The following SMARCA2 variants were observed in gnomAD, a reference collection of about 807,000 sequenced individuals.
SMARCA2 encodes SWI/SNF-related matrix-associated actin-dependent regulator of chromatin subfamily A member 2.
A neutral mutation model predicts 199.8 loss-of-function variants in SMARCA2; 61 were observed. The observed-to-expected ratio is 0.31, with a 90% CI of 0.25 to 0.38. The LOEUF (loss-of-function observed/expected upper bound fraction) is 0.38. Among genes scored for constraint, SMARCA2 ranks in the 10% least tolerant of loss-of-function variants. SMARCA2 has a pLI of 1.00. For synonymous variants in SMARCA2, 935 were observed against 732.0 expected (o/e 1.28, Z -4.48); for missense variants, 1,344 against 2,012.2 (o/e 0.67, Z 6.35).
In SMARCA2 at chr9:2,145,923, G is replaced by T. The variant is rs143212190; in HGVS notation, c.3982-15763G>T. Among the ~76,000 whole-genome samples, 493 of 152,346 alleles carry T rather than the reference G, an allele frequency of 3.2e-3. 2 individuals carry two copies. Among genetic ancestry groups the T allele is most frequent in the African/African-American group, 0.011 (467 of 41,568 alleles). On this transcript the variant is annotated intron_variant, in intron 27 of 33. Transcript: ENST00000349721. ...GTATGCAATGTGCATAGGCACAGGG[G>T]ATTGGGAAAGACATCCCAGGCGAGA... is the stretch of plus-strand genomic sequence containing the variant.
At chr9:2,079,073 G>A (rs1185158450) in intron 14 of SMARCA2, among the ~76,000 whole-genome samples, 1 of 151,892 alleles carries the variant, frequency 6.6e-6, no homozygotes, top group Non-Finnish European at 1.5e-5. Context: ...GTGAGTCGAG[G>A]GCCTTATTAT....
At chr9:2,180,769 C>A (rs1388953901) in intron 29 of SMARCA2, among the ~76,000 whole-genome samples, 1 of 152,134 alleles carries the variant, frequency 6.6e-6, no homozygotes, top group Non-Finnish European at 1.5e-5. Flanking sequence ...TGCTTTGTAG[C>A]CTGTGTTTGA....
rs1828034194 is a variant in SMARCA2, at chr9:2,193,487, A to C, written c.*748A>C. On this transcript the variant is annotated 3_prime_UTR_variant, in exon 34 of 34. Transcript: ENST00000349721. Reference sequence around the variant, plus strand: ...CAATGTGTATCGTCTCCTTCTCCCTAAAGTGTACTTAATCTTTGCTTTCTT... The same window carrying C: ...CAATGTGTATCGTCTCCTTCTCCCTCAAGTGTACTTAATCTTTGCTTTCTT... 1 of 152,608 alleles carries C rather than the reference A, an allele frequency of 6.6e-6. No individual in the cohort carries two copies. Among genetic ancestry groups the C allele is most frequent in the Non-Finnish European group, 1.5e-5 (1 of 68,036 alleles). The allele number at this position is 152,608 out of a possible 1,614,324, so 9.5% of individuals were successfully genotyped here. A position where few individuals can be genotyped will look rare whatever the true frequency, so the allele number is the denominator to read the frequency against.
intron 27 of SMARCA2, among the ~76,000 whole-genome samples, chr9:2,156,160 C>T (rs7021770): frequency 0.82 from 124,854 of 152,122 alleles, 51,431 homozygotes; most frequent in African/African-American, 0.89. Flanking sequence ...TGGGGATTTT[C>T]GAAAAGTTCT....
At chr9:2,176,220 C>G (rs893068581) in intron 29 of SMARCA2, among the ~76,000 whole-genome samples, 9 of 132,480 alleles carry the variant, frequency 6.8e-5, no homozygotes, top group African/African-American at 2.7e-4. Context: ...ACGTAACAAG[C>G]ATTTTTTTCT....
intron 1 of SMARCA2, among the ~76,000 whole-genome samples, chr9:2,018,940 T>A (rs1259372951): frequency 6.6e-6 from 1 of 152,238 alleles, no homozygotes; most frequent in Non-Finnish European, 1.5e-5. Flanking sequence ...CGTGGCAGAT[T>A]TGAATCCTAG....
intron 1 of SMARCA2, among the ~76,000 whole-genome samples, chr9:2,020,845 C>G (rs565636774): frequency 1.7e-4 from 26 of 152,152 alleles, no homozygotes; most frequent in South Asian, 6.2e-4. Flanking sequence ...ATATAAACAC[C>G]TCATTAATTT....
intron 5 of SMARCA2, among the ~76,000 whole-genome samples, chr9:2,051,251 T>G (rs1467540973): frequency 6.6e-6 from 1 of 152,236 alleles, no homozygotes; most frequent in Admixed American, 6.5e-5. Context: ...GGAGTCTACC[T>G]TTCCTCTTCT....
At position 2,186,211 on chromosome 9, in the gene SMARCA2, AAGAGTC is replaced by A. The variant is rs1827440906; in HGVS notation, c.4584_4589del (p.Ser1530_Glu1531del). 1 of 1,614,076 alleles carries A rather than the reference AAGAGTC, an allele frequency of 6.2e-7. No individual in the cohort carries two copies. The highest frequency in any genetic ancestry group is 2.2e-5 in the East Asian group (1 of 44,882). On this transcript the variant is annotated inframe_deletion, in exon 32 of 34. Coordinates refer to ENST00000349721, the MANE Select transcript of SMARCA2 (RefSeq NM_003070.5). ...GAAGAGGAGGAAGAGGAAGATGAAG[AAGAGTC>A]AGAGTCCGAGGGTAAGCCCAGACAT... is the stretch of plus-strand genomic sequence containing the variant.
At chr9:2,125,946 A>C (rs1823673760) in intron 27 of SMARCA2, among the ~76,000 whole-genome samples, 1 of 152,242 alleles carries the variant, frequency 6.6e-6, no homozygotes, top group African/African-American at 2.4e-5. Flanking sequence ...GAATCTCAGG[A>C]AGTTTTCCAG....
chr9:2,051,744 A>G (rs138750762), intron 5 of SMARCA2, among the ~76,000 whole-genome samples: 2 of 152,320 alleles, frequency 1.3e-5, no homozygotes, highest in Non-Finnish European at 2.9e-5. Context: ...ATCATTGGCC[A>G]TGGGCTCACG....
In SMARCA2 at chr9:2,047,249, G is replaced by A; in HGVS notation, c.811G>A (p.Gly271Ser). 3.0e-6 allele frequency: 3 copies of A among 1,008,554 alleles called. No individual in the cohort carries two copies. Among genetic ancestry groups the A allele is most frequent in the Non-Finnish European group, 3.5e-6 (3 of 845,804 alleles). The allele number at this position is 1,008,554 out of a possible 1,614,324, so 62.5% of individuals were successfully genotyped here. Residue 271 changes from glycine to serine, a missense_variant, in exon 5 of 34, where the codon GGC becomes AGC. Gly to Ser is a moderately conservative substitution (Grantham distance 56, BLOSUM62 0). Around this residue, in one of 18 missense-constraint regions of SMARCA2, gnomAD observed 117 missense variants for 99.1 expected, o/e 1.18. Coordinates refer to ENST00000349721, the MANE Select transcript of SMARCA2 (RefSeq NM_003070.5). ...CGCAGGCCCGGGGCCGGAGCTGAGCGGCCCGAGCACCCCGCAGAAGCTGCC... is the reference window on the plus strand; with the variant it reads ...CGCAGGCCCGGGGCCGGAGCTGAGCAGCCCGAGCACCCCGCAGAAGCTGCC... ...RPSGPGPELSGPSTPQKLPVP... is the reference protein window; with the variant it reads ...RPSGPGPELSSPSTPQKLPVP...
At chr9:2,178,439 C>T (rs1467561045) in intron 29 of SMARCA2, among the ~76,000 whole-genome samples, 1 of 152,052 alleles carries the variant, frequency 6.6e-6, no homozygotes, top group African/African-American at 2.4e-5. Flanking sequence ...ATATTTAGGC[C>T]TTAAATTGTG....
intron 18 of SMARCA2, 189 bp downstream of exon 18, chr9:2,087,260 T>A: frequency 1.6e-6 from 1 of 645,080 alleles, no homozygotes. Flanking sequence ...AAAATGGATC[T>A]AGTGGTACAT....
chr9:2,076,719 G>C (rs1821340039), intron 13 of SMARCA2, among the ~76,000 whole-genome samples: 1 of 151,914 alleles, frequency 6.6e-6, no homozygotes, highest in South Asian at 2.1e-4. Flanking sequence ...AATGATATCA[G>C]CAGTCTCCCT....
chr9:2,186,441 T>A (rs553139087), intron 32 of SMARCA2, among the ~76,000 whole-genome samples: 1 of 152,220 alleles, frequency 6.6e-6, no homozygotes, highest in Non-Finnish European at 1.5e-5. Flanking sequence ...AAAAATGACC[T>A]CCAAGCATGT....
Position 2,039,180 on chromosome 9 carries a change from G to T in SMARCA2, c.356-286G>T, listed in dbSNP as rs556759524. On this transcript the variant is annotated intron_variant, in intron 3 of 33. Transcript: ENST00000349721. The surrounding 1 kb of genome is among the most constrained non-coding windows in gnomAD (Gnocchi z 4.8). ...ATCAACAGTTTTTACATTTTAAAAT[G>T]ATGTTTTGGGTATGTTGGTTTAAGT... 2.0e-5 allele frequency among the ~76,000 whole-genome samples: 3 copies of T among 150,936 alleles called. No homozygotes were observed. The East Asian group carries it at 5.8e-4, about 29-fold the overall frequency.
intron 18 of SMARCA2, 68 bp downstream of exon 18, chr9:2,087,139 G>A: frequency 6.3e-7 from 1 of 1,580,722 alleles, no homozygotes; most frequent in Non-Finnish European, 8.6e-7. Context: ...CTAAAGCTGA[G>A]AACATTAGAG....
chr9:2,181,522 C>A, intron 29 of SMARCA2, 49 bp from the exon 30 acceptor site: 1 of 875,516 alleles, frequency 1.1e-6, no homozygotes, highest in South Asian at 1.3e-5. Context: ...AACCTTTCCT[C>A]AGTAATGTTT....
Sources: gnomAD v4.1 joint callset for allele counts (sites outside exome capture counted in the v4.1 genomes callset) on GRCh38, gnomAD v4.1.1 for gene constraint, gnomAD v4.1.1 regional missense constraint, Gnocchi (gnomAD v3.1) non-coding constraint, MANE v1.5 for transcripts, NCBI Gene and HGNC (gene_info 2026-07-23, HGNC 2026-07-21) for gene names.